Variants in CADPS observed in about 807,000 individuals in gnomAD.
CADPS encodes calcium-dependent secretion activator 1.
A neutral mutation model predicts 167.3 loss-of-function variants in CADPS; 57 were observed. The observed-to-expected ratio is 0.34, with a 90% CI of 0.28 to 0.42. CADPS has a LOEUF of 0.42. CADPS is among the 20% of genes least tolerant of loss of function. CADPS has a pLI of 1.00. For synonymous variants in CADPS, 676 were observed against 635.3 expected, an observed-to-expected ratio of 1.06 and a Z score of -0.96; for missense variants, 1,414 against 1,738.1, an observed-to-expected ratio of 0.81 and a Z score of 3.32.
chr3:62,528,109 C>T (rs1357041352), intron 13 of CADPS, among the ~76,000 whole-genome samples: 1 of 152,198 alleles, frequency 6.6e-6, no homozygotes, highest in Non-Finnish European at 1.5e-5. Context: ...ATTCAGATGA[C>T]TGCTGTAGCA....
At chr3:62,552,217 G>A (rs1179260104) in intron 10 of CADPS, among the ~76,000 whole-genome samples, 5 of 132,652 alleles carry the variant, frequency 3.8e-5, no homozygotes, top group South Asian at 2.6e-4. Context: ...ATCACACACC[G>A]GGACCTGTTG....
intron 1 of CADPS, among the ~76,000 whole-genome samples, chr3:62,842,943 T>C (rs942935506): frequency 1.3e-5 from 2 of 152,218 alleles, no homozygotes; most frequent in African/African-American, 2.4e-5. Flanking sequence ...CTGAACATAA[T>C]TGAGAGTTCA....
chr3:62,523,409 A>T (rs1242030622), intron 13 of CADPS, among the ~76,000 whole-genome samples: 1 of 152,202 alleles, frequency 6.6e-6, no homozygotes, highest in Non-Finnish European at 1.5e-5. Flanking sequence ...TCAAGATTCA[A>T]TGTGTTTTGT....
chr3:62,637,558 T>TCA (rs1563187876), intron 6 of CADPS, among the ~76,000 whole-genome samples: 1 of 152,222 alleles, frequency 6.6e-6, no homozygotes, highest in Admixed American at 6.5e-5. Flanking sequence ...TGCTGGTGTG[T>TCA]GCGCCAGCAC....
intron 13 of CADPS, among the ~76,000 whole-genome samples, chr3:62,529,001 A>G (rs1187574929): frequency 2.0e-5 from 3 of 152,064 alleles, no homozygotes; most frequent in South Asian, 2.1e-4. Context: ...TCTACTAAAA[A>G]TACAAAAAAA....
intron 1 of CADPS, among the ~76,000 whole-genome samples, chr3:62,833,939 G>A (rs944921271): frequency 6.6e-6 from 1 of 152,094 alleles, no homozygotes; most frequent in African/African-American, 2.4e-5. Flanking sequence ...ACATACATGT[G>A]CATTTATAAC....
chr3:62,416,768 A>G lies in CADPS; in HGVS notation c.3778-13583T>C, dbSNP rs190697011. Among the ~76,000 whole-genome samples, 407 of 152,246 alleles carry G rather than the reference A, an allele frequency of 2.7e-3. 3 individuals carry two copies. The highest frequency in any genetic ancestry group is 9.3e-3 in the African/African-American group (385 of 41,556). ...AGGTTCTTCCTGGGGGACCATTGCT[A>G]TTTTATCATTTCAGTGGGCTAAACA... On this transcript the variant is annotated intron_variant, in intron 28 of 29. Coordinates refer to ENST00000383710, the MANE Select transcript of CADPS (RefSeq NM_003716.4).
chr3:62,786,297 G>A (rs1414739279), intron 1 of CADPS, among the ~76,000 whole-genome samples: 2 of 152,090 alleles, frequency 1.3e-5, no homozygotes, highest in Non-Finnish European at 2.9e-5. Context: ...CAATTTAAAA[G>A]TAGAAACTCT....
chr3:62,446,794 C>T lies in CADPS; in HGVS notation c.3637-997G>A, dbSNP rs2057294097. On this transcript the variant is annotated intron_variant, in intron 26 of 29. Coordinates refer to ENST00000383710, the MANE Select transcript of CADPS (RefSeq NM_003716.4). This position sits in a 1 kb window ranked among gnomAD's most constrained non-coding sequence, Gnocchi z 4.9. ...GTGTTTCATTTTGACTCAGGTCACA[C>T]ATGTTTCTCTAGGCACAATTAAGAC... is the stretch of plus-strand genomic sequence containing the variant. 6.6e-6 allele frequency among the ~76,000 whole-genome samples: 1 copy of T among 152,160 alleles called. No individual in the cohort carries two copies. The highest frequency in any genetic ancestry group is 1.5e-5 in the Non-Finnish European group (1 of 68,034).
intron 13 of CADPS, among the ~76,000 whole-genome samples, chr3:62,522,970 G>A (rs2071085165): frequency 6.6e-6 from 1 of 152,120 alleles, no homozygotes; most frequent in Admixed American, 6.5e-5. Flanking sequence ...TGACACGGCG[G>A]GCATCTCCGG....
chr3:62,464,671 G>A (rs2059743562), intron 26 of CADPS, among the ~76,000 whole-genome samples: 1 of 152,064 alleles, frequency 6.6e-6, no homozygotes, highest in South Asian at 2.1e-4. Flanking sequence ...CAGAATCAGG[G>A]CCTCTTGGAA....
At chr3:62,589,965 G>A (rs1228481538) in intron 7 of CADPS, among the ~76,000 whole-genome samples, 4 of 151,956 alleles carry the variant, frequency 2.6e-5, no homozygotes, top group Non-Finnish European at 4.4e-5. Context: ...CGAGGCGGGC[G>A]GATCACTTCA....
At chr3:62,812,032 T>C (rs1415027039) in intron 1 of CADPS, among the ~76,000 whole-genome samples, 1 of 152,150 alleles carries the variant, frequency 6.6e-6, no homozygotes, top group Non-Finnish European at 1.5e-5. Context: ...AAAATCAAAT[T>C]ACATTAAAAA....
At chr3:62,721,130 TTTTTAAAAAAA>T (rs933800094) in intron 3 of CADPS, among the ~76,000 whole-genome samples, 12 of 129,920 alleles carry the variant, frequency 9.2e-5, no homozygotes, top group East Asian at 6.1e-4. Flanking sequence ...TTTTTTTTTT[TTTTTAAAAAAA>T]AAAAGAAGAA....
In CADPS at chr3:62,550,098, C is replaced by A. The variant is rs2077082335; in HGVS notation, c.1771G>T (p.Ala591Ser). 6.2e-7 allele frequency: 1 copy of A among 1,613,910 alleles called. No homozygotes were observed. The highest frequency in any genetic ancestry group is 8.5e-7 in the Non-Finnish European group (1 of 1,179,856). Reference sequence around the variant, plus strand: ...CCCTCCTTGACAGCATTGAAGAAGGCTCGGCCACCCTCCAAACCTGGAAGA... The same window carrying A: ...CCCTCCTTGACAGCATTGAAGAAGGATCGGCCACCCTCCAAACCTGGAAGA... ...DPQPGLEGGR[A>S]FFNAVKEGDT... Residue 591 changes from alanine to serine, a missense_variant, in exon 11 of 30, where the codon GCC (alanine) becomes TCC (serine). Around this residue, in one of 6 missense-constraint regions of CADPS, gnomAD observed 157 missense variants for 229.4 expected, o/e 0.68. Coordinates refer to ENST00000383710, the MANE Select transcript of CADPS (RefSeq NM_003716.4).
chr3:62,407,006 T>G (rs1708739090), intron 28 of CADPS, among the ~76,000 whole-genome samples: 1 of 152,210 alleles, frequency 6.6e-6, no homozygotes, highest in South Asian at 2.1e-4. Context: ...AAATGGGGAC[T>G]AACTAGCCTT....
chr3:62,485,226 C>A (rs1576658672), intron 21 of CADPS, among the ~76,000 whole-genome samples: 1 of 151,666 alleles, frequency 6.6e-6, no homozygotes, highest in East Asian at 1.9e-4. Context: ...AATGTATCAT[C>A]TACAGAAAAA....
At chr3:62,573,219 A>C (rs2081608128) in intron 8 of CADPS, among the ~76,000 whole-genome samples, 1 of 152,150 alleles carries the variant, frequency 6.6e-6, no homozygotes, top group South Asian at 2.1e-4. Context: ...GAGTACCTAT[A>C]ATACTTTGTA....
In CADPS at chr3:62,421,765, T is replaced by C. The variant is rs144237945; in HGVS notation, c.3777+16339A>G. ...TGTGAGGCTGGAGACGCATTTGGAG[T>C]TCTTTCCTAGGGATGGAGGGATGCC... On this transcript the variant is annotated intron_variant, in intron 28 of 29. Transcript: ENST00000383710. This position sits in a 1 kb window ranked among gnomAD's most constrained non-coding sequence, Gnocchi z 4.7. Among the ~76,000 whole-genome samples the C allele has an allele frequency of 9.3e-3, 1,422 of 152,214 alleles. 17 individuals carry two copies. The highest frequency in any genetic ancestry group is 0.029 in the African/African-American group (1,215 of 41,540).
Sources: allele counts gnomAD v4.1 joint callset (sites outside exome capture counted in the v4.1 genomes callset), GRCh38; gene constraint gnomAD v4.1.1; regional missense constraint gnomAD v4.1.1; non-coding constraint Gnocchi (gnomAD v3.1); transcripts MANE v1.5; gene names NCBI Gene and HGNC (gene_info 2026-07-23, HGNC 2026-07-21).